FBXL2: variants seen among roughly 807,000 people sequenced by gnomAD.
FBXL2 encodes the protein F-box and leucine rich repeat protein 2, also known as F-box/LRR-repeat protein 2.
A neutral mutation model predicts 69.2 loss-of-function variants in FBXL2; 38 were observed. The ratio of observed to expected loss-of-function variants is 0.55; its 90% CI spans 0.42 to 0.72. The LOEUF (loss-of-function observed/expected upper bound fraction) is 0.72, where lower values mean the gene tolerates loss of function less well. Ranked by LOEUF, FBXL2 falls within the 30% of genes least tolerant of loss-of-function variation. The probability of loss-of-function intolerance (pLI) is 0.00; values close to 1 mark genes in which losing one functional copy is unlikely to be tolerated. For missense variants in FBXL2, 354 were observed against 520.3 expected (o/e 0.68, Z 3.11); for synonymous variants, 192 against 201.3 (o/e 0.95, Z 0.39).
intron 5 of FBXL2, among the ~76,000 whole-genome samples, chr3:33,367,269 C>CG (rs2042013814): frequency 6.6e-6 from 1 of 151,946 alleles, no homozygotes; most frequent in African/African-American, 2.4e-5. Flanking sequence ...TCAGTAGAGA[C>CG]GGGGGTTTCA....
At chr3:33,379,497 G>A (rs569563218) in intron 13 of FBXL2, among the ~76,000 whole-genome samples, 1 of 146,924 alleles carries the variant, frequency 6.8e-6, no homozygotes, top group South Asian at 2.2e-4. Context: ...TGGGATTACA[G>A]GCGTGCACCA....
chr3:33,308,831 T>A (rs1269387084), intron 2 of FBXL2, among the ~76,000 whole-genome samples: 1 of 152,236 alleles, frequency 6.6e-6, no homozygotes, highest in African/African-American at 2.4e-5. Flanking sequence ...GATAGTTTCC[T>A]CTTAATTTCT....
At position 33,328,814 on chromosome 3, in the gene FBXL2, TG is replaced by T. The variant is rs1649773703; in HGVS notation, c.66-30152del. ...TTGTGTGTGTGCATGTGTGTGTGTG[TG>T]TGTGTGTGTGTGTGTGTGTAAGACC... is the stretch of plus-strand genomic sequence containing the variant. On this transcript the variant is annotated intron_variant, in intron 2 of 14. Transcript: ENST00000484457. 1.3e-5 allele frequency among the ~76,000 whole-genome samples: 2 copies of T among 151,812 alleles called. 1 individual carries two copies. The highest frequency in any genetic ancestry group is 4.1e-4 in the South Asian group (2 of 4,820).
At chr3:33,383,843 AG>A in intron 13 of FBXL2, 145 bp from the exon 14 acceptor site, 2 of 649,814 alleles carry the variant, frequency 3.1e-6, no homozygotes, top group Middle Eastern at 3.4e-4. Flanking sequence ...AAGGCTGGGA[AG>A]TCCAGGGGCT....
At chr3:33,403,564 G>GTCTATCTATCTATCTATCTATCTATCTA (rs1166163762) in exon 13 of FBXL2, 6 of 141,560 alleles carry the variant, frequency 4.2e-5, no homozygotes, top group East Asian at 4.1e-4. Flanking sequence ...CTGTCTGTCT[G>GTCTATCTATCTATCTATCTATCTATCTA]TCTGTCTGTC....
downstream of FBXL2, chr3:33,391,588 C>T (rs2043766597): frequency 6.6e-6 from 1 of 152,182 alleles, no homozygotes; most frequent in Admixed American, 6.5e-5. Flanking sequence ...TTGATTTACC[C>T]CAACCATACT....
chr3:33,406,573 A>G (rs1007840504), downstream of FBXL2, among the ~76,000 whole-genome samples: 2 of 152,256 alleles, frequency 1.3e-5, no homozygotes, highest in Non-Finnish European at 2.9e-5. Flanking sequence ...AAAAGCTTCA[A>G]GTTAGCATGG....
intron 2 of FBXL2, among the ~76,000 whole-genome samples, chr3:33,302,500 A>G (rs2036379629): frequency 6.6e-6 from 1 of 152,196 alleles, no homozygotes; most frequent in South Asian, 2.1e-4. Flanking sequence ...TTTAATTTCT[A>G]CTATGGTTGC....
At chr3:33,377,506 G>T (rs1158175219) in intron 11 of FBXL2, among the ~76,000 whole-genome samples, 173 bp downstream of exon 11, 2 of 152,152 alleles carry the variant, frequency 1.3e-5, no homozygotes, top group Non-Finnish European at 2.9e-5. Flanking sequence ...GAAATCTAGG[G>T]AAGTCCTATA....
chr3:33,353,481 T>G (rs2040976459), intron 2 of FBXL2, among the ~76,000 whole-genome samples: 1 of 152,228 alleles, frequency 6.6e-6, no homozygotes, highest in South Asian at 2.1e-4. Flanking sequence ...ATGAATAGAC[T>G]TGGAGGAGCC....
chr3:33,340,140 G>T (rs1248845086), intron 2 of FBXL2, among the ~76,000 whole-genome samples: 7 of 152,070 alleles, frequency 4.6e-5, no homozygotes, highest in Non-Finnish European at 1.0e-4. Flanking sequence ...TTTATCTCTG[G>T]GTGCATAAAA....
chr3:33,418,537 G>A, the FBXL2 span, among the ~76,000 whole-genome samples: 1 of 151,882 alleles, frequency 6.6e-6, no homozygotes, highest in Non-Finnish European at 1.5e-5. Context: ...GGGATTACAG[G>A]CGTGAGCCAC....
intron 2 of FBXL2, among the ~76,000 whole-genome samples, chr3:33,319,592 G>T (rs1416312781): frequency 6.6e-6 from 1 of 152,142 alleles, no homozygotes; most frequent in Non-Finnish European, 1.5e-5. Context: ...AATAGAATGT[G>T]TTTGTTGGAA....
intron 2 of FBXL2, among the ~76,000 whole-genome samples, chr3:33,336,017 G>A (rs1419895408): frequency 1.3e-5 from 2 of 152,144 alleles, no homozygotes; most frequent in Admixed American, 1.3e-4. Flanking sequence ...TTTATGGATT[G>A]GGAGCCTGAG....
intron 1 of FBXL2, among the ~76,000 whole-genome samples, chr3:33,281,658 C>T (rs185206383): frequency 8.5e-5 from 13 of 152,282 alleles, no homozygotes; most frequent in Admixed American, 2.0e-4. Context: ...TACAGTCACA[C>T]GAACAGTGTA....
downstream of FBXL2, among the ~76,000 whole-genome samples, chr3:33,404,383 G>A (rs2044357486): frequency 6.6e-6 from 1 of 151,958 alleles, no homozygotes; most frequent in East Asian, 1.9e-4. Flanking sequence ...TTGTACTCCA[G>A]CCTGGGTGAC....
intron 12 of FBXL2, chr3:33,398,121 C>T (rs1045644912): frequency 6.6e-6 from 1 of 152,116 alleles, no homozygotes; most frequent in African/African-American, 2.4e-5. Flanking sequence ...CTGAATGTAT[C>T]CATAATCTTT....
intron 1 of FBXL2, among the ~76,000 whole-genome samples, chr3:33,286,939 G>A (rs773266793): frequency 6.6e-6 from 1 of 152,164 alleles, no homozygotes; most frequent in African/African-American, 2.4e-5. Flanking sequence ...CATTTGTCAC[G>A]GCTTCCCTTG....
intron 3 of FBXL2, 71 bp downstream of exon 3, chr3:33,359,092 C>A: frequency 9.1e-7 from 1 of 1,103,336 alleles, no homozygotes; most frequent in South Asian, 1.9e-5. Flanking sequence ...GTTCAAATTA[C>A]TGAAAATTAA....
Sources: gnomAD v4.1 joint callset for allele counts (sites outside exome capture counted in the v4.1 genomes callset) on GRCh38, gnomAD v4.1.1 for gene constraint, MANE v1.5 for transcripts, NCBI Gene and HGNC (gene_info 2026-07-23, HGNC 2026-07-21) for gene names.